SAMD4A: variants seen among roughly 807,000 people sequenced by gnomAD.
SAMD4A encodes sterile alpha motif domain containing 4A.
A neutral mutation model predicts 81.3 loss-of-function variants in SAMD4A; 33 were observed. That is an observed-to-expected ratio of 0.41 (90% CI 0.31 to 0.54). The LOEUF (loss-of-function observed/expected upper bound fraction) is 0.54, where lower values mean the gene tolerates loss of function less well. Ranked by LOEUF, SAMD4A falls within the 20% of genes least tolerant of loss-of-function variation. The pLI, the probability that SAMD4A is intolerant of heterozygous loss-of-function variation, is 0.37. For missense variants in SAMD4A, 854 were observed against 951.1 expected (o/e 0.90, Z 1.34); for synonymous variants, 389 against 382.1 (o/e 1.02, Z -0.21).
At chr14:54,602,653 G>A (rs1373223349) in intron 2 of SAMD4A, among the ~76,000 whole-genome samples, 13 of 151,790 alleles carry the variant, frequency 8.6e-5, no homozygotes, top group African/African-American at 2.4e-5. Context: ...GTTGTGGGGT[G>A]GGGGGAGTGG....
chr14:54,695,965 A>G (rs1239628929), intron 2 of SAMD4A, among the ~76,000 whole-genome samples: 1 of 150,730 alleles, frequency 6.6e-6, no homozygotes, highest in African/African-American at 2.4e-5. Context: ...AAAAAAAAAA[A>G]AAAAAAAAGA....
At chr14:54,626,082 GCA>G (rs2034757271) in intron 2 of SAMD4A, among the ~76,000 whole-genome samples, 1 of 149,532 alleles carries the variant, frequency 6.7e-6, no homozygotes, top group African/African-American at 2.5e-5. Flanking sequence ...GCGCGAGTGC[GCA>G]CATGTGCATG....
At chr14:54,781,170 T>A (rs762509260) in intron 11 of SAMD4A, among the ~76,000 whole-genome samples, 7 of 152,198 alleles carry the variant, frequency 4.6e-5, no homozygotes, top group Non-Finnish European at 8.8e-5. Context: ...ATTCTATAGA[T>A]TTTTCCTGGA....
chr14:54,722,801 T>C (rs1375258772), intron 3 of SAMD4A, among the ~76,000 whole-genome samples: 2 of 152,248 alleles, frequency 1.3e-5, no homozygotes, highest in Non-Finnish European at 2.9e-5. Context: ...GTGTTACCTA[T>C]ACCTTCCAGT....
At chr14:54,656,170 C>T (rs2035516604) in intron 2 of SAMD4A, among the ~76,000 whole-genome samples, 1 of 152,146 alleles carries the variant, frequency 6.6e-6, no homozygotes, top group Non-Finnish European at 1.5e-5. Context: ...TTTAACTTTC[C>T]TTACTGTAGA....
intron 2 of SAMD4A, among the ~76,000 whole-genome samples, chr14:54,583,407 A>G (rs1197413010): frequency 6.6e-6 from 1 of 152,166 alleles, no homozygotes; most frequent in African/African-American, 2.4e-5. Context: ...CCCGAGAAGC[A>G]GCAGGGTGGC....
At chr14:54,772,582 A>G (rs1205093657) in intron 9 of SAMD4A, among the ~76,000 whole-genome samples, 1 of 152,162 alleles carries the variant, frequency 6.6e-6, no homozygotes, top group Non-Finnish European at 1.5e-5. Flanking sequence ...CTCTTCCCAC[A>G]TTATATTGCT....
intron 2 of SAMD4A, among the ~76,000 whole-genome samples, chr14:54,605,877 A>G (rs1405466116): frequency 6.6e-6 from 1 of 152,114 alleles, no homozygotes; most frequent in Non-Finnish European, 1.5e-5. Context: ...ATCACTTTCC[A>G]TTACAGACAT....
chr14:54,689,016 CCTT>C (rs2036359401), intron 2 of SAMD4A, among the ~76,000 whole-genome samples: 1 of 149,710 alleles, frequency 6.7e-6, no homozygotes, highest in Non-Finnish European at 1.5e-5. Context: ...ACTGCAAACT[CCTT>C]CTCCCGAGTT....
intron 8 of SAMD4A, 109 bp from the exon 9 acceptor site, chr14:54,769,995 A>G: frequency 1.4e-6 from 1 of 718,400 alleles, no homozygotes; most frequent in Non-Finnish European, 2.4e-6. Context: ...GAAACAGGTG[A>G]AGAAAAGGCA....
intron 2 of SAMD4A, among the ~76,000 whole-genome samples, chr14:54,661,941 A>G (rs573391194): frequency 1.1e-4 from 13 of 118,106 alleles, no homozygotes; most frequent in East Asian, 9.4e-4. Flanking sequence ...CACTATCTGG[A>G]AAAAAAAAAA....
At chr14:54,624,297 C>A (rs974745176) in intron 2 of SAMD4A, among the ~76,000 whole-genome samples, 30 of 152,210 alleles carry the variant, frequency 2.0e-4, no homozygotes, top group African/African-American at 6.8e-4. Context: ...TTCTATTATG[C>A]CCTCTCCGGT....
intron 2 of SAMD4A, among the ~76,000 whole-genome samples, chr14:54,667,146 T>G (rs1287721231): frequency 6.6e-6 from 1 of 152,186 alleles, no homozygotes; most frequent in East Asian, 1.9e-4. Flanking sequence ...CAGAGCAATT[T>G]TAGGTCAGCT....
At chr14:54,731,176 A>T (rs1368789642) in intron 3 of SAMD4A, among the ~76,000 whole-genome samples, 2 of 152,224 alleles carry the variant, frequency 1.3e-5, no homozygotes, top group Non-Finnish European at 2.9e-5. Context: ...CCTTTGAAAC[A>T]ATCACCTTTT....
chr14:54,671,128 G>T (rs1379062209), intron 2 of SAMD4A, among the ~76,000 whole-genome samples: 1 of 152,196 alleles, frequency 6.6e-6, no homozygotes, highest in East Asian at 1.9e-4. Flanking sequence ...GCGAAAGTGA[G>T]GCAGAAAATG....
chr14:54,730,687 C>A (rs1414409052), intron 3 of SAMD4A, among the ~76,000 whole-genome samples: 2 of 152,316 alleles, frequency 1.3e-5, no homozygotes, highest in African/African-American at 4.8e-5. Flanking sequence ...TTATTTTTAA[C>A]CTTAGTGATT....
chr14:54,639,248 CACGAAATA>C (rs1207929323), intron 2 of SAMD4A, among the ~76,000 whole-genome samples: 1 of 152,186 alleles, frequency 6.6e-6, no homozygotes, highest in Non-Finnish European at 1.5e-5. Flanking sequence ...TGCGTGGGGG[CACGAAATA>C]ACCGGCAGCT....
chr14:54,760,607 A>G, intron 7 of SAMD4A, 113 bp downstream of exon 7: 4 of 1,340,960 alleles, frequency 3.0e-6, no homozygotes, highest in East Asian at 3.1e-5. Context: ...AGTAGACATC[A>G]TTAGCTTCAT....
chr14:54,609,896 T>G (rs1022494510), intron 2 of SAMD4A, among the ~76,000 whole-genome samples: 5 of 152,250 alleles, frequency 3.3e-5, no homozygotes, highest in African/African-American at 1.2e-4. Context: ...CTTTGTGGGT[T>G]TCTTTTCACA....
Sources: gnomAD v4.1 joint callset for allele counts (sites outside exome capture counted in the v4.1 genomes callset) on GRCh38, gnomAD v4.1.1 for gene constraint, MANE v1.5 for transcripts, NCBI Gene and HGNC (gene_info 2026-07-23, HGNC 2026-07-21) for gene names.